Variants in RPSA2 observed in about 807,000 individuals in gnomAD.
RPSA2 encodes small ribosomal subunit protein uS2B.
At chr19:23,852,582 G>A in the RPSA2 span, among the ~76,000 whole-genome samples, 1 of 151,486 alleles carries the variant, frequency 6.6e-6, no homozygotes, top group Non-Finnish European at 1.5e-5. Context: ...GATCACTCAT[G>A]TTTTTGTTTG....
the RPSA2 span, among the ~76,000 whole-genome samples, chr19:23,855,411 C>G: frequency 6.6e-6 from 1 of 152,218 alleles, no homozygotes; most frequent in Non-Finnish European, 1.5e-5. Context: ...TGAGTACAAG[C>G]ATCCTTGAAT....
chr19:23,815,879 T>G, the RPSA2 span, among the ~76,000 whole-genome samples: 2 of 152,172 alleles, frequency 1.3e-5, no homozygotes, highest in Non-Finnish European at 2.9e-5. Context: ...ATTATAGATT[T>G]GTGGTAAATC....
chr19:23,775,310 C>T, the RPSA2 span, among the ~76,000 whole-genome samples: 2 of 152,150 alleles, frequency 1.3e-5, no homozygotes, highest in Non-Finnish European at 2.9e-5. Context: ...GAACATCAGG[C>T]AACAGCTGAG....
At chr19:23,869,175 A>AGG in the RPSA2 span, among the ~76,000 whole-genome samples, 2 of 152,248 alleles carry the variant, frequency 1.3e-5, no homozygotes, top group Non-Finnish European at 2.9e-5. Context: ...CATGGGCTCC[A>AGG]GGACCCCTAT....
At chr19:23,759,522 G>GTTTTTTTTTTTTTTTTTTTTT in the RPSA2 span, among the ~76,000 whole-genome samples, 2 of 89,034 alleles carry the variant, frequency 2.2e-5, no homozygotes, top group African/African-American at 4.4e-5. Flanking sequence ...TATATATCAG[G>GTTTTTTTTTTTTTTTTTTTTT]TTTTTTTTTT....
chr19:23,806,776 C>CT, the RPSA2 span, among the ~76,000 whole-genome samples: 8 of 110,478 alleles, frequency 7.2e-5, no homozygotes, highest in Admixed American at 2.6e-4. Context: ...CAGAGCGAGA[C>CT]TGAGTCTCAA....
chr19:23,832,647 A>T, the RPSA2 span: 2 of 1,465,454 alleles, frequency 1.4e-6, no homozygotes, highest in African/African-American at 1.4e-5. Flanking sequence ...AATGTGAAGA[A>T]GGTGGCAAAG....
At chr19:23,854,057 C>T in the RPSA2 span, among the ~76,000 whole-genome samples, 2 of 152,232 alleles carry the variant, frequency 1.3e-5, no homozygotes, top group South Asian at 2.1e-4. Context: ...CATCCCAGGG[C>T]CCCGTGTCTT....
chr19:23,815,628 A>T, the RPSA2 span, among the ~76,000 whole-genome samples: 1 of 152,192 alleles, frequency 6.6e-6, no homozygotes, highest in Non-Finnish European at 1.5e-5. Context: ...TTTATAAATT[A>T]TCCACTCAGG....
the RPSA2 span, among the ~76,000 whole-genome samples, chr19:23,836,386 CA>C: frequency 6.6e-6 from 1 of 152,114 alleles, no homozygotes; most frequent in Non-Finnish European, 1.5e-5. Context: ...CACACACACA[CA>C]CACCCCACAG....
the RPSA2 span, among the ~76,000 whole-genome samples, chr19:23,856,022 C>T: frequency 1.3e-5 from 2 of 152,030 alleles, no homozygotes; most frequent in Middle Eastern, 6.3e-3. Context: ...GACATTAAGC[C>T]AAAGTCACCA....
At chr19:23,807,831 C>CTT in the RPSA2 span, 3 of 415,270 alleles carry the variant, frequency 7.2e-6, no homozygotes, top group Non-Finnish European at 4.8e-6. Flanking sequence ...TCCAGGGACT[C>CTT]TTGACGTTTA....
chr19:23,806,878 A>G, the RPSA2 span, among the ~76,000 whole-genome samples: 25 of 152,108 alleles, frequency 1.6e-4, no homozygotes, highest in Non-Finnish European at 3.4e-4. Flanking sequence ...AAAATTGTAG[A>G]ACATGGAAAA....
At chr19:23,832,708 G>A in the RPSA2 span, 111 of 1,516,238 alleles carry the variant, frequency 7.3e-5, 1 homozygote, top group African/African-American at 1.4e-3. Context: ...GCACACTGGA[G>A]AGAAACCCTA....
chr19:23,770,379 T>C, the RPSA2 span, among the ~76,000 whole-genome samples: 148,966 of 152,302 alleles, frequency 0.98, 72,945 homozygotes, highest in Middle Eastern at 1. Context: ...TTAGGTGATA[T>C]AACTTTATGA....
the RPSA2 span, among the ~76,000 whole-genome samples, chr19:23,794,608 T>G: frequency 6.7e-6 from 1 of 148,920 alleles, no homozygotes; most frequent in Non-Finnish European, 1.5e-5. Context: ...AAGCATAGTT[T>G]GCAAATATTT....
chr19:23,812,556 TG>T, the RPSA2 span, among the ~76,000 whole-genome samples: 1 of 152,044 alleles, frequency 6.6e-6, no homozygotes, highest in African/African-American at 2.4e-5. Flanking sequence ...CCACCAGGCC[TG>T]GCAAATTTTG....
At chr19:23,791,918 C>T in the RPSA2 span, among the ~76,000 whole-genome samples, 7 of 151,896 alleles carry the variant, frequency 4.6e-5, no homozygotes, top group Non-Finnish European at 8.8e-5. Context: ...TTTTGGGTTT[C>T]ACCATGTTTG....
the RPSA2 span, among the ~76,000 whole-genome samples, chr19:23,846,604 C>T: frequency 6.6e-6 from 1 of 152,126 alleles, no homozygotes; most frequent in Non-Finnish European, 1.5e-5. Flanking sequence ...GACTTTATTT[C>T]TTCTTCACTT....
Sources: gnomAD v4.1 joint callset for allele counts (sites outside exome capture counted in the v4.1 genomes callset) on GRCh38, gnomAD v4.1.1 for gene constraint, MANE v1.5 for transcripts, NCBI Gene and HGNC (gene_info 2026-07-23, HGNC 2026-07-21) for gene names.